MCU: variants seen among roughly 807,000 people sequenced by gnomAD.
MCU encodes the protein calcium uniporter protein, mitochondrial.
MCU carries 12 observed loss-of-function variants against 45.2 expected under a neutral mutation model. The ratio of observed to expected loss-of-function variants is 0.27; its 90% CI spans 0.17 to 0.43. The LOEUF (loss-of-function observed/expected upper bound fraction) is 0.43, where lower values mean the gene tolerates loss of function less well. Among genes scored for constraint, MCU ranks in the 20% least tolerant of loss-of-function variants. The pLI, the probability that MCU is intolerant of heterozygous loss-of-function variation, is 1.00. For synonymous variants in MCU, 160 were observed against 165.1 expected (o/e 0.97, Z 0.24); for missense variants, 324 against 436.7 (o/e 0.74, Z 2.30).
At position 72,859,188 on chromosome 10, in the gene MCU, G is replaced by A. The variant is rs770561657; in HGVS notation, c.232G>A (p.Val78Ile). The A allele has an allele frequency of 6.3e-7, 1 of 1,595,108 alleles. No homozygotes were observed. Among genetic ancestry groups the A allele is most frequent in the Non-Finnish European group, 8.5e-7 (1 of 1,171,564 alleles). Residue 78 changes from valine (V) to isoleucine (I), a missense_variant, in exon 3 of 8, where the codon GTT becomes ATT. Val to Ile is a conservative substitution (Grantham distance 29, BLOSUM62 3). Around this residue, in one of 4 missense-constraint regions of MCU, gnomAD observed 111 missense variants for 112.3 expected, o/e 0.99. Transcript: ENST00000373053. ...TCTTTTTCATTCAGATGTTACAGTG[G>A]TTTATCAAAATGGGTTACCTGTGAT... ...TVVPSDDVTV[V>I]YQNGLPVISV...
In MCU at chr10:72,814,292, A is replaced by G. The variant is rs566015119; in HGVS notation, c.151-20067A>G. ...ATCCAAGTGGTACAACTGATTTGGCATGGCTGCTGGAACGGATCTCCAAAC... is the reference window on the plus strand; with the variant it reads ...ATCCAAGTGGTACAACTGATTTGGCGTGGCTGCTGGAACGGATCTCCAAAC... On this transcript the variant is annotated intron_variant, in intron 1 of 7. Transcript: ENST00000373053. Among the ~76,000 whole-genome samples the G allele has an allele frequency of 2.0e-5, 3 of 152,312 alleles. No individual in the cohort carries two copies. In the East Asian group the frequency reaches 5.8e-4, roughly 29 times the overall value.
chr10:72,883,877 C>T (rs376443157), intron 6 of MCU, among the ~76,000 whole-genome samples: 1 of 151,988 alleles, frequency 6.6e-6, no homozygotes, highest in Non-Finnish European at 1.5e-5. Context: ...AGTTGTGGAA[C>T]TTAGGAATAC....
chr10:72,748,457 C>T lies in MCU; in HGVS notation c.150+56156C>T, dbSNP rs377703707. Among the ~76,000 whole-genome samples, 117 of 152,220 alleles carry T rather than the reference C, an allele frequency of 7.7e-4. 3 individuals are homozygous for T. The South Asian group carries it at 0.024, about 31-fold the overall frequency. ...TTTTGTTATCTTTTCCCCATCAGAT[C>T]GATTAACAAGGAGTGATAAGTAATA... is the stretch of plus-strand genomic sequence containing the variant. On this transcript the variant is annotated intron_variant, in intron 1 of 7. Coordinates refer to ENST00000373053, the MANE Select transcript of MCU (RefSeq NM_138357.3).
intron 2 of MCU, among the ~76,000 whole-genome samples, chr10:72,857,603 G>A (rs372388393): frequency 6.6e-6 from 1 of 152,120 alleles, no homozygotes; most frequent in East Asian, 1.9e-4. Context: ...CAAAATTACA[G>A]AGCCAAGGTT....
chr10:72,810,414 T>C (rs1844522915), intron 1 of MCU, among the ~76,000 whole-genome samples: 1 of 151,068 alleles, frequency 6.6e-6, no homozygotes. Context: ...AAGCATTTAG[T>C]GAGTAACATG....
chr10:72,761,098 A>T (rs1843650440), intron 1 of MCU, among the ~76,000 whole-genome samples: 1 of 152,166 alleles, frequency 6.6e-6, no homozygotes, highest in Non-Finnish European at 1.5e-5. Context: ...TAACTTTCTC[A>T]TTTTATGGAT....
intron 1 of MCU, among the ~76,000 whole-genome samples, chr10:72,708,947 G>T (rs2132658030): frequency 6.6e-6 from 1 of 152,128 alleles, no homozygotes; most frequent in South Asian, 2.1e-4. Flanking sequence ...AGCCTAGGCT[G>T]CAGTAAGCTT....
chr10:72,805,545 C>G (rs1157916061), intron 1 of MCU, among the ~76,000 whole-genome samples: 1 of 152,118 alleles, frequency 6.6e-6, no homozygotes, highest in Non-Finnish European at 1.5e-5. Context: ...CCTCACCCGG[C>G]TGCCCTAGTA....
chr10:72,693,162 A>G, intron 1 of MCU: 1 of 1,223,928 alleles, frequency 8.2e-7, no homozygotes, highest in Admixed American at 2.0e-5. Flanking sequence ...CTGTTTGAAC[A>G]CTCTTGGGTG....
At chr10:72,707,768 C>T (rs961910225) in intron 1 of MCU, among the ~76,000 whole-genome samples, 6 of 152,008 alleles carry the variant, frequency 3.9e-5, no homozygotes, top group Non-Finnish European at 7.4e-5. Flanking sequence ...GACTTAACCC[C>T]TTTGGTCTTA....
At chr10:72,854,205 A>G (rs753849145) in intron 2 of MCU, among the ~76,000 whole-genome samples, 1 of 152,092 alleles carries the variant, frequency 6.6e-6, no homozygotes, top group Non-Finnish European at 1.5e-5. Context: ...AGGCGGGAGT[A>G]TCCAGTGAGC....
chr10:72,859,395 C>A, intron 3 of MCU, 48 bp downstream of exon 3: 1 of 1,526,950 alleles, frequency 6.5e-7, no homozygotes, highest in Non-Finnish European at 8.9e-7. Flanking sequence ...CATTTCACCC[C>A]ACACCATTTC....
At chr10:72,772,244 C>T (rs902946317) in intron 1 of MCU, among the ~76,000 whole-genome samples, 7 of 152,208 alleles carry the variant, frequency 4.6e-5, no homozygotes, top group Non-Finnish European at 1.0e-4. Context: ...TTCCATAAGT[C>T]CCATGGGCAC....
intron 4 of MCU, 61 bp downstream of exon 4, chr10:72,860,588 A>AT (rs901146038): frequency 2.9e-5 from 39 of 1,356,004 alleles, no homozygotes; most frequent in Admixed American, 7.2e-5. Flanking sequence ...AAATAACTTT[A>AT]TTTTTTTTCC....
chr10:72,725,399 T>G (rs938813227), intron 1 of MCU, among the ~76,000 whole-genome samples: 1 of 151,642 alleles, frequency 6.6e-6, no homozygotes, highest in African/African-American at 2.4e-5. Flanking sequence ...GTGCTGAGAT[T>G]ACAGGCATGA....
intron 1 of MCU, among the ~76,000 whole-genome samples, chr10:72,762,539 G>A (rs368381018): frequency 6.6e-6 from 1 of 152,198 alleles, no homozygotes; most frequent in African/African-American, 2.4e-5. Context: ...AAACTGGAAG[G>A]ACTGGTGAGG....
At chr10:72,741,395 C>T (rs1843330202) in intron 1 of MCU, among the ~76,000 whole-genome samples, 1 of 152,206 alleles carries the variant, frequency 6.6e-6, no homozygotes, top group African/African-American at 2.4e-5. Context: ...GCCACCGTGC[C>T]TGGCGAGAGT....
chr10:72,868,372 A>G (rs2132881178), intron 4 of MCU, among the ~76,000 whole-genome samples: 1 of 152,190 alleles, frequency 6.6e-6, no homozygotes, highest in South Asian at 2.1e-4. Flanking sequence ...AACACGGTGA[A>G]AACTTGTCTG....
chr10:72,868,555 A>C, intron 4 of MCU, 148 bp from the exon 5 acceptor site: 1 of 609,962 alleles, frequency 1.6e-6, no homozygotes, highest in Non-Finnish European at 2.6e-6. Context: ...TTGTCTCAAA[A>C]AAAAAAAAAA....
Sources: gnomAD v4.1 joint callset for allele counts (sites outside exome capture counted in the v4.1 genomes callset) on GRCh38, gnomAD v4.1.1 for gene constraint, gnomAD v4.1.1 regional missense constraint, MANE v1.5 for transcripts, NCBI Gene and HGNC (gene_info 2026-07-23, HGNC 2026-07-21) for gene names.